Variants in ADGRL3 observed in about 807,000 individuals in gnomAD.
ADGRL3 encodes the protein adhesion G protein-coupled receptor L3, also known as calcium-independent alpha-latrotoxin receptor 3.
A neutral mutation model predicts 153.5 loss-of-function variants in ADGRL3; 62 were observed. The observed-to-expected ratio is 0.40, with a 90% CI of 0.33 to 0.50. The LOEUF (loss-of-function observed/expected upper bound fraction) is 0.50. Ranked by LOEUF, ADGRL3 falls within the 20% of genes least tolerant of loss-of-function variation. The pLI, the probability that ADGRL3 is intolerant of heterozygous loss-of-function variation, is 0.47. For missense variants in ADGRL3, 1,641 were observed against 1,859.4 expected, an observed-to-expected ratio of 0.88 and a Z score of 2.16; for synonymous variants, 710 against 672.5, an observed-to-expected ratio of 1.06 and a Z score of -0.86.
chr4:61,938,773 G>A (rs2098851798), intron 15 of ADGRL3, among the ~76,000 whole-genome samples: 1 of 136,916 alleles, frequency 7.3e-6, no homozygotes, highest in African/African-American at 2.7e-5. Context: ...AGCTAGGAAA[G>A]CAAATATATG....
At chr4:61,294,953 C>T (rs542607234) in intron 1 of ADGRL3, among the ~76,000 whole-genome samples, 6 of 151,568 alleles carry the variant, frequency 4.0e-5, no homozygotes, top group Non-Finnish European at 5.9e-5. Context: ...CCATTATTCG[C>T]GGTTTCACTT....
At chr4:61,618,728 T>A (rs1466017211) in intron 5 of ADGRL3, among the ~76,000 whole-genome samples, 1 of 152,156 alleles carries the variant, frequency 6.6e-6, no homozygotes, top group East Asian at 1.9e-4. Flanking sequence ...TTGTTTGTTT[T>A]GTTTTTGAGA....
intron 9 of ADGRL3, among the ~76,000 whole-genome samples, chr4:61,857,825 G>C (rs777471306): frequency 3.3e-5 from 5 of 151,760 alleles, no homozygotes; most frequent in African/African-American, 1.2e-4. Flanking sequence ...CAATCCTCTC[G>C]CCTCAGCCTC....
intron 2 of ADGRL3, 127 bp downstream of exon 2, chr4:61,383,316 C>G (rs1431646226): frequency 6.6e-6 from 1 of 151,506 alleles, no homozygotes; most frequent in Non-Finnish European, 1.5e-5. Flanking sequence ...TAATGTGTTA[C>G]TAAAATGGAA....
chr4:61,612,885 C>T (rs1389457606), intron 5 of ADGRL3, among the ~76,000 whole-genome samples: 1 of 152,086 alleles, frequency 6.6e-6, no homozygotes, highest in Non-Finnish European at 1.5e-5. Flanking sequence ...GTGTAACCCC[C>T]AGGGCATAAC....
At chr4:61,357,077 T>A (rs949071526) in intron 1 of ADGRL3, among the ~76,000 whole-genome samples, 2 of 152,130 alleles carry the variant, frequency 1.3e-5, no homozygotes, top group Non-Finnish European at 2.9e-5. Flanking sequence ...TGCCCGCACA[T>A]ACTCAGTTCA....
chr4:62,037,645 A>T, intron 23 of ADGRL3, 86 bp from the exon 24 acceptor site: 1 of 1,409,488 alleles, frequency 7.1e-7, no homozygotes, highest in South Asian at 1.2e-5. Flanking sequence ...TACATTATCT[A>T]AAAATAAAAC....
At chr4:61,669,939 G>A (rs992925378) in intron 5 of ADGRL3, among the ~76,000 whole-genome samples, 3 of 152,174 alleles carry the variant, frequency 2.0e-5, no homozygotes, top group African/African-American at 7.2e-5. Flanking sequence ...TGATCGAAGG[G>A]TTTATTAACC....
intron 2 of ADGRL3, among the ~76,000 whole-genome samples, chr4:61,444,158 T>C (rs1315493467): frequency 6.6e-6 from 1 of 152,248 alleles, no homozygotes; most frequent in Non-Finnish European, 1.5e-5. Flanking sequence ...ATTCCATTTA[T>C]GAAGGCATGT....
chr4:61,202,735 A>T lies in ADGRL3; in HGVS notation c.-240+970A>T, dbSNP rs887994605. ...AAGCTTAGGGTGCCAGGCCCCCAGC[A>T]CTATAGGTGGGTGTGTGTGTGTCTG... is the stretch of plus-strand genomic sequence containing the variant. On this transcript the variant is annotated intron_variant, in intron 1 of 26. Transcript: ENST00000683033. This position sits in a 1 kb window ranked among gnomAD's most constrained non-coding sequence, Gnocchi z 5.0. Among the ~76,000 whole-genome samples, 2 of 152,030 alleles carry T rather than the reference A, an allele frequency of 1.3e-5. No homozygotes were observed. Among genetic ancestry groups the T allele is most frequent in the Admixed American group, 6.5e-5 (1 of 15,268 alleles).
intron 2 of ADGRL3, among the ~76,000 whole-genome samples, chr4:61,478,337 G>A (rs149651355): frequency 8.5e-5 from 13 of 152,124 alleles, no homozygotes; most frequent in African/African-American, 3.1e-4. Flanking sequence ...TAGTGTTAGT[G>A]AACTTTTGCT....
chr4:61,403,491 T>G (rs2096955968), intron 2 of ADGRL3, among the ~76,000 whole-genome samples: 1 of 152,056 alleles, frequency 6.6e-6, no homozygotes, highest in Admixed American at 6.6e-5. Context: ...GGGAGGCCAT[T>G]GCACTGGAGA....
chr4:61,408,818 G>A (rs549380932), intron 2 of ADGRL3, among the ~76,000 whole-genome samples: 1 of 152,014 alleles, frequency 6.6e-6, no homozygotes, highest in South Asian at 2.1e-4. Flanking sequence ...TGATGCTAAA[G>A]TATTTGTGTT....
At chr4:61,444,723 A>C (rs1322509527) in intron 2 of ADGRL3, among the ~76,000 whole-genome samples, 1 of 152,108 alleles carries the variant, frequency 6.6e-6, no homozygotes, top group Non-Finnish European at 1.5e-5. Flanking sequence ...TTCAGGTTAA[A>C]TACAAGAATC....
At chr4:61,381,293 T>TTGTGTGTGTG (rs55767359) in intron 1 of ADGRL3, among the ~76,000 whole-genome samples, 6,221 of 141,352 alleles carry the variant, frequency 0.044, 194 homozygotes, top group Middle Eastern at 0.066. Flanking sequence ...ATAAACAAGT[T>TTGTGTGTGTG]TGTGTGTGTG....
intron 13 of ADGRL3, among the ~76,000 whole-genome samples, chr4:61,928,717 A>C (rs2098805077): frequency 6.6e-6 from 1 of 152,120 alleles, no homozygotes; most frequent in Non-Finnish European, 1.5e-5. Flanking sequence ...CTGTCATCTT[A>C]ACTTCGTCTC....
At chr4:62,037,503 A>AGTGT (rs139981466) in intron 23 of ADGRL3, among the ~76,000 whole-genome samples, 1 of 151,292 alleles carries the variant, frequency 6.6e-6, no homozygotes, top group South Asian at 2.1e-4. Context: ...TGTGTGTATA[A>AGTGT]GTGTGTGTGT....
chr4:61,232,754 G>A (rs1213883137), intron 1 of ADGRL3, among the ~76,000 whole-genome samples: 2 of 152,178 alleles, frequency 1.3e-5, no homozygotes, highest in East Asian at 1.9e-4. Context: ...AACAGTGCCT[G>A]GAACATAGAA....
chr4:61,258,135 C>A (rs893874902), intron 1 of ADGRL3, among the ~76,000 whole-genome samples: 1 of 152,152 alleles, frequency 6.6e-6, no homozygotes, highest in Non-Finnish European at 1.5e-5. Context: ...TGCTTGCTAG[C>A]TCTGAATGGA....
Sources: allele counts gnomAD v4.1 joint callset (sites outside exome capture counted in the v4.1 genomes callset), GRCh38; gene constraint gnomAD v4.1.1; non-coding constraint Gnocchi (gnomAD v3.1); transcripts MANE v1.5; gene names NCBI Gene and HGNC (gene_info 2026-07-23, HGNC 2026-07-21).